The following RGS9 variants were observed in gnomAD, a reference collection of about 807,000 sequenced individuals.
RGS9 encodes the protein regulator of G-protein signalling 9.
In RGS9, 78 loss-of-function variants were observed where a neutral mutation model predicts 102.0. That is an observed-to-expected ratio of 0.76 (90% confidence interval 0.64 to 0.92). The LOEUF (loss-of-function observed/expected upper bound fraction) is 0.92, where lower values mean the gene tolerates loss of function less well. Among genes scored for constraint, RGS9 ranks in the 40% least tolerant of loss-of-function variants. The pLI, the probability that RGS9 is intolerant of heterozygous loss-of-function variation, is 0.00. For missense variants in RGS9, 833 were observed against 866.1 expected, an observed-to-expected ratio of 0.96 and a Z score of 0.48; for synonymous variants, 353 against 318.6, an observed-to-expected ratio of 1.11 and a Z score of -1.15.
At chr17:65,193,510 C>G (rs1423524053) in intron 11 of RGS9, 33 bp from the exon 12 acceptor site, 1 of 1,396,678 alleles carries the variant, frequency 7.2e-7, no homozygotes, top group African/African-American at 1.4e-5. Context: ...GGGTGTCGAG[C>G]TTCTAGGAAA....
At chr17:65,177,893 A>T in intron 9 of RGS9, 90 bp downstream of exon 9, 4 of 979,282 alleles carry the variant, frequency 4.1e-6, no homozygotes, top group Non-Finnish European at 6.6e-6. Flanking sequence ...CTGTTAGGGC[A>T]ACGATATCTC....
rs1441163722 is a variant in RGS9 at position 65,175,256 on chromosome 17, TG to T, written c.583-2475del. Among the ~76,000 whole-genome samples the T allele has an allele frequency of 3.9e-5, 6 of 152,058 alleles. No homozygotes were observed. The East Asian group carries it at 1.2e-3, about 29-fold the overall frequency. Reference sequence around the variant, plus strand: ...GAGCATGTGTGAGTGTGCATATGTATGTATGAGAGTGTGTGGGTGTGTGAGT... The same window carrying T: ...GAGCATGTGTGAGTGTGCATATGTATTATGAGAGTGTGTGGGTGTGTGAGT... On this transcript the variant is annotated intron_variant, in intron 8 of 18. Coordinates refer to ENST00000262406, the MANE Select transcript of RGS9 (RefSeq NM_003835.4).
chr17:65,227,159 A>G, intron 18 of RGS9, 116 bp from the exon 19 acceptor site: 10 of 1,420,938 alleles, frequency 7.0e-6, no homozygotes, highest in Non-Finnish European at 9.9e-6. Flanking sequence ...CCCCCACCAC[A>G]GTCTTTGGCA....
chr17:65,205,384 G>A (rs8078678), intron 15 of RGS9, among the ~76,000 whole-genome samples: 17,747 of 152,032 alleles, frequency 0.12, 2,064 homozygotes, highest in East Asian at 0.3. Context: ...TGTGATATAG[G>A]TTATGGATAT....
chr17:65,187,575 C>T (rs7220359), intron 9 of RGS9, among the ~76,000 whole-genome samples: 6,559 of 152,282 alleles, frequency 0.043, 238 homozygotes, highest in African/African-American at 0.084. Flanking sequence ...TCAATGGGCT[C>T]ATGGGCCAGT....
Position 65,225,495 on chromosome 17 carries a change from C to T in RGS9, c.1892+9C>T. ...TCCAAGAGAGTAGCAAAGTAAGAAC[C>T]CGAAGGGGACGTGCCGTATGCATGG... On this transcript the variant is annotated intron_variant, in intron 18 of 18. Transcript: ENST00000262406. The T allele has an allele frequency of 1.2e-6, 2 of 1,600,268 alleles. No individual in the cohort carries two copies. Among genetic ancestry groups the T allele is most frequent in the South Asian group, 2.2e-5 (2 of 90,988 alleles).
At chr17:65,215,501 T>G (rs1042714753) in intron 17 of RGS9, among the ~76,000 whole-genome samples, 51 of 94,444 alleles carry the variant, frequency 5.4e-4, no homozygotes, top group Non-Finnish European at 8.1e-4. Context: ...TCTTTCGTTC[T>G]TTCTTTCTTT....
rs563825417 is a variant in RGS9 at position 65,188,743 on chromosome 17, G to C, written c.655-543G>C. ...CCCTCTCACCTCAGCCTCCCAAGTA[G>C]CTGGGACTACAGGTGCACGCTACCA... On this transcript the variant is annotated intron_variant, in intron 9 of 18. Coordinates refer to ENST00000262406, the MANE Select transcript of RGS9 (RefSeq NM_003835.4). 119 of 165,828 alleles carry C rather than the reference G, an allele frequency of 7.2e-4. 1 individual carries two copies. The highest frequency in any genetic ancestry group is 7.0e-4 in the Non-Finnish European group (53 of 75,774). 10.3% of individuals were successfully genotyped at this position (165,828 alleles called of 1,614,324 possible).
chr17:65,154,376 C>A (rs1001956171), intron 2 of RGS9, among the ~76,000 whole-genome samples: 1 of 152,174 alleles, frequency 6.6e-6, no homozygotes. Context: ...TAAAGTCTTC[C>A]TCTGAGGAAG....
intron 1 of RGS9, among the ~76,000 whole-genome samples, chr17:65,142,561 T>C (rs549014641): frequency 6.6e-6 from 1 of 151,368 alleles, no homozygotes; most frequent in South Asian, 2.1e-4. Flanking sequence ...CCACTGTTTT[T>C]CTCCCTTCCT....
At chr17:65,199,270 A>G (rs904061604) in intron 13 of RGS9, among the ~76,000 whole-genome samples, 2 of 152,174 alleles carry the variant, frequency 1.3e-5, no homozygotes, top group African/African-American at 4.8e-5. Context: ...GCCACATTAA[A>G]AAGAAACTCT....
At chr17:65,162,567 A>C (rs1372662615) in intron 6 of RGS9, among the ~76,000 whole-genome samples, 2 of 151,724 alleles carry the variant, frequency 1.3e-5, no homozygotes, top group Admixed American at 6.6e-5. Context: ...GGTTCATGCC[A>C]TTCTCCTGCC....
chr17:65,210,458 C>G, intron 16 of RGS9, 30 bp from the exon 17 acceptor site: 1 of 1,611,966 alleles, frequency 6.2e-7, no homozygotes, highest in Non-Finnish European at 8.5e-7. Flanking sequence ...TGTCATTTTC[C>G]TCCAACCACC....
At chr17:65,162,016 A>G (rs753342500) in intron 6 of RGS9, among the ~76,000 whole-genome samples, 3 of 152,024 alleles carry the variant, frequency 2.0e-5, no homozygotes, top group Non-Finnish European at 2.9e-5. Flanking sequence ...TTATTCTTAC[A>G]AACATGTTTT....
intron 7 of RGS9, among the ~76,000 whole-genome samples, chr17:65,166,715 A>T (rs1367116883): frequency 2.6e-5 from 4 of 152,034 alleles, no homozygotes; most frequent in South Asian, 2.1e-4. Flanking sequence ...TCAGAGAGTG[A>T]CTCTATTTAC....
chr17:65,219,634 C>A (rs1216773659), intron 17 of RGS9, among the ~76,000 whole-genome samples: 1 of 152,146 alleles, frequency 6.6e-6, no homozygotes, highest in Non-Finnish European at 1.5e-5. Flanking sequence ...TATAGAGTTC[C>A]ATTTTCCAAC....
At position 65,225,029 on chromosome 17, in the gene RGS9, C is replaced by T; in HGVS notation, c.1435C>T (p.His479Tyr). The T allele has an allele frequency of 6.2e-7, 1 of 1,614,056 alleles. No homozygotes were observed. Residue 479 changes from histidine (H) to tyrosine (Y), a missense_variant, in exon 18 of 19, where the codon CAT becomes TAT. This residue lies in a region of RGS9 where 320 missense variants were observed against 276.8 expected (regional missense o/e 1.16). Transcript: ENST00000262406. The stretch of plus-strand genomic sequence containing the variant: ...GGGCCAGCACATGGCTCCCAGCCCC[C>T]ATCTGACCGTGTACACCGGGACCTG... ...QPGQHMAPSPHLTVYTGTCMP... is the reference protein window; with the variant it reads ...QPGQHMAPSPYLTVYTGTCMP...
At chr17:65,166,418 T>C (rs1911182403) in intron 7 of RGS9, among the ~76,000 whole-genome samples, 2 of 152,250 alleles carry the variant, frequency 1.3e-5, no homozygotes, top group African/African-American at 4.8e-5. Flanking sequence ...GTATTGATTC[T>C]TTGACTGTGT....
intron 18 of RGS9, 28 bp from the exon 19 acceptor site, chr17:65,227,247 A>G (rs771492389): frequency 1.2e-6 from 2 of 1,614,080 alleles, no homozygotes; most frequent in East Asian, 2.2e-5. Flanking sequence ...CTGCCCCTAC[A>G]TTACTGGCTT....
Sources: allele counts gnomAD v4.1 joint callset (sites outside exome capture counted in the v4.1 genomes callset), GRCh38; gene constraint gnomAD v4.1.1; regional missense constraint gnomAD v4.1.1; transcripts MANE v1.5; gene names NCBI Gene and HGNC (gene_info 2026-07-23, HGNC 2026-07-21).